ATP9A: variants seen among roughly 807,000 people sequenced by gnomAD.
ATP9A encodes the protein ATPase phospholipid transporting 9A, also known as probable phospholipid-transporting ATPase IIA.
ATP9A carries 52 observed loss-of-function variants against 144.1 expected under a neutral mutation model. The observed-to-expected ratio is 0.36, with a 90% confidence interval of 0.29 to 0.45. The LOEUF is 0.45. Among genes scored for constraint, ATP9A ranks in the 20% least tolerant of loss-of-function variants. The pLI, the probability that ATP9A is intolerant of heterozygous loss-of-function variation, is 1.00. For missense variants in ATP9A, 947 were observed against 1,392.7 expected, an observed-to-expected ratio of 0.68 and a Z score of 5.09; for synonymous variants, 582 against 557.4, an observed-to-expected ratio of 1.04 and a Z score of -0.62.
At chr20:51,757,350 G>GC (rs1232646463) in intron 1 of ATP9A, among the ~76,000 whole-genome samples, 4 of 152,134 alleles carry the variant, frequency 2.6e-5, no homozygotes, top group Non-Finnish European at 5.9e-5. Context: ...ACTGCAAACT[G>GC]CCCGTGGCAC....
chr20:51,767,805 G>A (rs1299646141), intron 1 of ATP9A, among the ~76,000 whole-genome samples: 3 of 152,208 alleles, frequency 2.0e-5, no homozygotes, highest in Non-Finnish European at 4.4e-5. Flanking sequence ...TCCTGGGGCT[G>A]GGACCCAGGG....
intron 18 of ATP9A, among the ~76,000 whole-genome samples, chr20:51,623,376 A>G (rs2077234393): frequency 6.6e-6 from 1 of 152,214 alleles, no homozygotes. Flanking sequence ...GGAAGGGTCC[A>G]AGACCCCAGC....
intron 1 of ATP9A, among the ~76,000 whole-genome samples, chr20:51,742,879 C>T (rs1185304308): frequency 6.6e-6 from 1 of 152,158 alleles, no homozygotes. Context: ...CCTGACAGGG[C>T]TGTAAATACT....
intron 2 of ATP9A, among the ~76,000 whole-genome samples, chr20:51,726,252 G>A (rs1467960588): frequency 7.2e-6 from 1 of 137,998 alleles, no homozygotes; most frequent in Non-Finnish European, 1.5e-5. Context: ...GGAGGAAGTT[G>A]CAGTGAGCCA....
intron 9 of ATP9A, among the ~76,000 whole-genome samples, chr20:51,686,740 G>A (rs898993370): frequency 6.6e-6 from 1 of 152,138 alleles, no homozygotes; most frequent in Non-Finnish European, 1.5e-5. Flanking sequence ...TTCGAGACCA[G>A]CCTGGCCAAC....
intron 4 of ATP9A, among the ~76,000 whole-genome samples, chr20:51,702,798 G>A (rs746749270): frequency 5.3e-5 from 8 of 152,094 alleles, no homozygotes; most frequent in East Asian, 1.9e-4. Flanking sequence ...AACAAGATAC[G>A]GAGAAGTAAC....
chr20:51,734,002 G>T (rs1361318193), intron 1 of ATP9A, among the ~76,000 whole-genome samples: 2 of 151,694 alleles, frequency 1.3e-5, no homozygotes, highest in Non-Finnish European at 2.9e-5. Flanking sequence ...CTTAAGATGG[G>T]GTCTCACTCT....
rs2077396453 is a variant in ATP9A, at chr20:51,658,493, ACAT to A, written c.1294-1346_1294-1344del. On this transcript the variant is annotated intron_variant, in intron 13 of 27. Coordinates refer to ENST00000338821, the MANE Select transcript of ATP9A (RefSeq NM_006045.3). ...GCCTGCAGCTCCGTTCCTCTGTCAC[ACAT>A]CGGGTGCCACCTATGCTTCCTTTTT... 2.0e-5 allele frequency among the ~76,000 whole-genome samples: 3 copies of A among 147,756 alleles called. No homozygotes were observed. In the Admixed American group the frequency reaches 2.0e-4, roughly 10 times the overall value.
chr20:51,710,138 C>T (rs1406533071), intron 4 of ATP9A, among the ~76,000 whole-genome samples: 1 of 152,154 alleles, frequency 6.6e-6, no homozygotes, highest in East Asian at 1.9e-4. Context: ...CCCATCTCTA[C>T]TAAAAATACA....
At chr20:51,612,135 G>A (rs958043999) in intron 23 of ATP9A, among the ~76,000 whole-genome samples, 3 of 151,934 alleles carry the variant, frequency 2.0e-5, no homozygotes, top group South Asian at 4.2e-4. Flanking sequence ...CCCTGTCCGA[G>A]GGCAAGGAGG....
intron 9 of ATP9A, among the ~76,000 whole-genome samples, chr20:51,677,193 C>T (rs2077481060): frequency 6.6e-6 from 1 of 152,004 alleles, no homozygotes; most frequent in Non-Finnish European, 1.5e-5. Context: ...CTTGGCCTCC[C>T]AAAGTGCTTG....
intron 1 of ATP9A, among the ~76,000 whole-genome samples, chr20:51,752,688 T>TTC (rs2077837600): frequency 6.6e-6 from 1 of 152,220 alleles, no homozygotes; most frequent in South Asian, 2.1e-4. Flanking sequence ...TTTTGAGTGC[T>TTC]TCTTTGTTGG....
At chr20:51,625,004 CAAAAA>C (rs71192538) in intron 18 of ATP9A, among the ~76,000 whole-genome samples, 183 bp downstream of exon 18, 4 of 100,838 alleles carry the variant, frequency 4.0e-5, no homozygotes, top group Admixed American at 3.2e-4. Context: ...GACCCCGTCT[CAAAAA>C]AAAAAAAAAA....
chr20:51,648,899 G>A (rs957190269), intron 14 of ATP9A, among the ~76,000 whole-genome samples: 2 of 152,136 alleles, frequency 1.3e-5, no homozygotes, highest in Non-Finnish European at 1.5e-5. Flanking sequence ...AGGTGGAACT[G>A]GAAGTTGCTA....
chr20:51,768,276 G>A, intron 1 of ATP9A, 26 bp downstream of exon 1: 34 of 1,249,708 alleles, frequency 2.7e-5, no homozygotes, highest in Non-Finnish European at 3.3e-5. Flanking sequence ...GCGGACAAAG[G>A]AAAACACGGG....
intron 25 of ATP9A, among the ~76,000 whole-genome samples, chr20:51,608,026 A>C (rs2077170380): frequency 6.7e-6 from 1 of 150,064 alleles, no homozygotes; most frequent in Admixed American, 6.7e-5. Context: ...CGTGGGTGAC[A>C]AAGTGAGAAT....
intron 4 of ATP9A, among the ~76,000 whole-genome samples, chr20:51,700,766 G>C (rs2077590101): frequency 6.6e-6 from 1 of 152,208 alleles, no homozygotes; most frequent in Non-Finnish European, 1.5e-5. Context: ...GGAGGCGGAG[G>C]TTGCAGTGAG....
intron 13 of ATP9A, among the ~76,000 whole-genome samples, chr20:51,657,670 C>G (rs2077393038): frequency 6.6e-6 from 1 of 152,198 alleles, no homozygotes; most frequent in Non-Finnish European, 1.5e-5. Context: ...GGCTTAGAAC[C>G]ACTGTTTAAG....
At chr20:51,683,215 TAGC>T (rs2077507932) in intron 9 of ATP9A, among the ~76,000 whole-genome samples, 1 of 152,076 alleles carries the variant, frequency 6.6e-6, no homozygotes, top group South Asian at 2.1e-4. Context: ...GCTTCCTGTA[TAGC>T]TAGGACCAAA....
Sources: gnomAD v4.1 joint callset for allele counts (sites outside exome capture counted in the v4.1 genomes callset) on GRCh38, gnomAD v4.1.1 for gene constraint, MANE v1.5 for transcripts, NCBI Gene and HGNC (gene_info 2026-07-23, HGNC 2026-07-21) for gene names.